The following PSME3IP1 variants were observed in gnomAD, a reference collection of about 807,000 sequenced individuals.
The protein encoded by PSME3IP1 is proteasome activator subunit 3 interacting protein 1.
In PSME3IP1, 13 loss-of-function variants were observed where a neutral mutation model predicts 34.1. That is an observed-to-expected ratio of 0.38 (90% CI 0.25 to 0.61). The LOEUF is 0.61. PSME3IP1 is among the 20% of genes least tolerant of loss of function. The probability of loss-of-function intolerance (pLI) is 0.60; values close to 1 mark genes in which losing one functional copy is unlikely to be tolerated. For synonymous variants in PSME3IP1, 93 were observed against 114.3 expected (o/e 0.81, Z 1.19); for missense variants, 237 against 301.4 (o/e 0.79, Z 1.58).
intron 1 of PSME3IP1, among the ~76,000 whole-genome samples, chr16:57,185,002 C>T (rs757318122): frequency 4.6e-5 from 7 of 152,188 alleles, no homozygotes; most frequent in Admixed American, 2.6e-4. Context: ...TCCCTGTGGA[C>T]ACATGAATAC....
At chr16:57,179,730 T>C (rs747143569) in intron 1 of PSME3IP1, among the ~76,000 whole-genome samples, 1 of 152,234 alleles carries the variant, frequency 6.6e-6, no homozygotes, top group Non-Finnish European at 1.5e-5. Flanking sequence ...GAATCAGGTT[T>C]CTGTGTTCTG....
rs372160963 is a variant in PSME3IP1 at position 57,180,368 on chromosome 16, T to C, written c.-16+5453A>G. On this transcript the variant is annotated intron_variant, in intron 1 of 6. Coordinates refer to ENST00000309137, the MANE Select transcript of PSME3IP1 (RefSeq NM_024946.4). ...ACTTTGGGAGGCTGAGGCAGGAGGATCGCTTGAGGTCAGGAGTTCAAGACC... is the reference window on the plus strand; with the variant it reads ...ACTTTGGGAGGCTGAGGCAGGAGGACCGCTTGAGGTCAGGAGTTCAAGACC... 1.1e-4 allele frequency among the ~76,000 whole-genome samples: 16 copies of C among 152,120 alleles called. No homozygotes were observed. The East Asian group carries it at 3.1e-3, about 29-fold the overall frequency.
chr16:57,183,242 G>T (rs937604027), intron 1 of PSME3IP1, among the ~76,000 whole-genome samples: 3 of 152,210 alleles, frequency 2.0e-5, no homozygotes, highest in Admixed American at 1.3e-4. Context: ...CCAAATTTCA[G>T]AATACAGGGG....
intron 1 of PSME3IP1, among the ~76,000 whole-genome samples, chr16:57,182,020 C>T (rs879610149): frequency 3.3e-5 from 5 of 152,170 alleles, no homozygotes; most frequent in Non-Finnish European, 5.9e-5. Flanking sequence ...CTTCTCCTCT[C>T]CCCAGAGGTT....
intron 1 of PSME3IP1, 190 bp downstream of exon 1, chr16:57,185,625 GCCTTCC>G: frequency 1.0e-6 from 1 of 985,492 alleles, no homozygotes; most frequent in South Asian, 4.7e-5. Flanking sequence ...CGACCCAGAT[GCCTTCC>G]CGCGGGCACC....
At chr16:57,176,543 A>G (rs1251378855) in intron 1 of PSME3IP1, among the ~76,000 whole-genome samples, 1 of 152,230 alleles carries the variant, frequency 6.6e-6, no homozygotes, top group Non-Finnish European at 1.5e-5. Flanking sequence ...CTTAAACTGA[A>G]CTGAAATCTG....
chr16:57,162,526 G>A (rs1266333434), intron 6 of PSME3IP1, among the ~76,000 whole-genome samples: 5 of 151,784 alleles, frequency 3.3e-5, no homozygotes, highest in Admixed American at 6.6e-5. Flanking sequence ...TTAGCTGGGC[G>A]TGGTGGCACA....
In PSME3IP1 at chr16:57,167,073, T is replaced by C. The variant is rs755906063; in HGVS notation, c.482+20A>G. On this transcript the variant is annotated intron_variant, in intron 5 of 6. Coordinates refer to ENST00000309137, the MANE Select transcript of PSME3IP1 (RefSeq NM_024946.4). ...GTACACGGTCAGAGAGAAATCTGAG[T>C]TGTGTGAGTGCTGACTAACCTCTTA... 3.7e-6 allele frequency: 6 copies of C among 1,611,856 alleles called. No homozygotes were observed. In the Admixed American group the frequency reaches 5.0e-5, roughly 13 times the overall value.
rs764131026 is a variant in PSME3IP1, at chr16:57,172,300, A to G, written c.299T>C (p.Ile100Thr). ...TTCTTCTTCTCTTCGTTGCTTTTCT[A>G]TTAGTTCCTGCTGTCGAGAAACCTC... The part of the protein sequence containing the change: ...LDEVSRQQEL[I>T]EKQRREEELK... The change falls in exon 4 of 7, where the codon ATA becomes ACA. Residue 100 changes from isoleucine (I) to threonine (T), a missense_variant. Coordinates refer to ENST00000309137, the MANE Select transcript of PSME3IP1 (RefSeq NM_024946.4). 7.4e-6 allele frequency: 12 copies of G among 1,613,824 alleles called. No individual in the cohort carries two copies. Among genetic ancestry groups the G allele is most frequent in the South Asian group, 5.5e-5 (5 of 91,090 alleles).
chr16:57,172,982 T>A (rs1265600785), intron 2 of PSME3IP1, 108 bp from the exon 3 acceptor site: 2 of 754,056 alleles, frequency 2.7e-6, no homozygotes, highest in East Asian at 2.7e-5. Flanking sequence ...CAAAGTCAAG[T>A]CTCTGCATGA....
intron 1 of PSME3IP1, among the ~76,000 whole-genome samples, chr16:57,176,251 A>G (rs1176199453): frequency 7.2e-5 from 11 of 152,134 alleles, no homozygotes; most frequent in African/African-American, 2.2e-4. Flanking sequence ...CGAACCCTCA[A>G]TTTCCCCCTT....
Position 57,170,785 on chromosome 16 carries a change from A to ATTAC in PSME3IP1, c.348+1462_348+1465dup, listed in dbSNP as rs1398911652. Among the ~76,000 whole-genome samples, 27 of 152,306 alleles carry ATTAC rather than the reference A, an allele frequency of 1.8e-4. No homozygotes were observed. In the East Asian group the frequency reaches 5.0e-3, roughly 28 times the overall value. On this transcript the variant is annotated intron_variant, in intron 4 of 6. Transcript: ENST00000309137. ...TAGTGACAAATCTATAAAAAATGAT[A>ATTAC]TTACTTGCTGGGTGCGGTGGCTTAC...
chr16:57,155,249 A>G (rs1377931455), intron 6 of PSME3IP1, among the ~76,000 whole-genome samples: 3 of 152,190 alleles, frequency 2.0e-5, no homozygotes, highest in African/African-American at 7.2e-5. Flanking sequence ...GCAGAATGTC[A>G]TCTAGGAGCT....
At chr16:57,177,331 A>C (rs1597747315) in intron 1 of PSME3IP1, among the ~76,000 whole-genome samples, 1 of 148,090 alleles carries the variant, frequency 6.8e-6, no homozygotes, top group Non-Finnish European at 1.5e-5. Flanking sequence ...ACAGGCATGC[A>C]CCACTACACC....
intron 6 of PSME3IP1, among the ~76,000 whole-genome samples, chr16:57,162,192 G>A (rs2071334477): frequency 6.6e-6 from 1 of 152,170 alleles, no homozygotes; most frequent in African/African-American, 2.4e-5. Flanking sequence ...ATGAGCCACT[G>A]CGCCTGGCCT....
intron 1 of PSME3IP1, 150 bp from the exon 2 acceptor site, chr16:57,174,019 G>A (rs1420938359): frequency 1.3e-6 from 1 of 798,366 alleles, no homozygotes; most frequent in East Asian, 2.9e-5. Context: ...TTCTCGGCCG[G>A]GTGCGGTGGC....
At chr16:57,169,626 C>T (rs577800938) in intron 4 of PSME3IP1, among the ~76,000 whole-genome samples, 36 of 152,308 alleles carry the variant, frequency 2.4e-4, no homozygotes, top group African/African-American at 7.9e-4. Flanking sequence ...CACTGCTGCC[C>T]TGTTCATTCT....
At chr16:57,176,224 G>C (rs2073158257) in intron 1 of PSME3IP1, among the ~76,000 whole-genome samples, 1 of 152,226 alleles carries the variant, frequency 6.6e-6, no homozygotes, top group Non-Finnish European at 1.5e-5. Flanking sequence ...GGGCTCTAAT[G>C]GTTGGGAGAG....
At chr16:57,160,133 A>G (rs2071049190) in intron 6 of PSME3IP1, among the ~76,000 whole-genome samples, 1 of 152,098 alleles carries the variant, frequency 6.6e-6, no homozygotes, top group Non-Finnish European at 1.5e-5. Flanking sequence ...TACTAAAAAT[A>G]CAAAAAATTA....
Sources: gnomAD v4.1 joint callset for allele counts (sites outside exome capture counted in the v4.1 genomes callset) on GRCh38, gnomAD v4.1.1 for gene constraint, MANE v1.5 for transcripts, NCBI Gene and HGNC (gene_info 2026-07-23, HGNC 2026-07-21) for gene names.